HERPUD1: variants seen among roughly 807,000 people sequenced by gnomAD.
HERPUD1 encodes homocysteine inducible ER protein with ubiquitin like domain 1.
HERPUD1 carries 17 observed loss-of-function variants against 45.0 expected under a neutral mutation model. That is an observed-to-expected ratio of 0.38 (90% CI 0.26 to 0.57). The LOEUF (loss-of-function observed/expected upper bound fraction) is 0.57, where lower values mean the gene tolerates loss of function less well. Among genes scored for constraint, HERPUD1 ranks in the 20% least tolerant of loss-of-function variants. The pLI is 0.72. For synonymous variants in HERPUD1, 164 were observed against 177.5 expected, an observed-to-expected ratio of 0.92 and a Z score of 0.61; for missense variants, 420 against 490.5, an observed-to-expected ratio of 0.86 and a Z score of 1.36.
At chr16:56,933,250 G>A (rs1006487451) in intron 1 of HERPUD1, 4 of 454,448 alleles carry the variant, frequency 8.8e-6, no homozygotes, top group South Asian at 1.6e-5. Flanking sequence ...TAGTGAAGTC[G>A]TGAGTTCCAG....
At chr16:56,935,622 T>A (rs1596978008) in intron 3 of HERPUD1, 147 bp downstream of exon 3, 2 of 676,214 alleles carry the variant, frequency 3.0e-6, no homozygotes, top group East Asian at 5.4e-5. Context: ...AATTAGAAAC[T>A]GTATTATCAA....
rs1336609950 is a variant in HERPUD1, at chr16:56,944,823, G to GT, written c.*1534dup. ...TATTTTTACGTGAGTAATGTTATGT[G>GT]TAGGTGTTCTATTTGGCAAAATAAA... On this transcript the variant is annotated 3_prime_UTR_variant, in exon 8 of 8. Coordinates refer to ENST00000439977, the MANE Select transcript of HERPUD1 (RefSeq NM_014685.4). 4 of 152,284 alleles carry GT rather than the reference G, an allele frequency of 2.6e-5. No homozygotes were observed. The South Asian group carries it at 6.2e-4, about 24-fold the overall frequency. 9.4% of individuals were successfully genotyped at this position (152,284 alleles called of 1,614,324 possible). A position where few individuals can be genotyped will look rare whatever the true frequency, so the allele number is the denominator to read the frequency against.
chr16:56,934,613 G>C (rs1369144691), intron 1 of HERPUD1, among the ~76,000 whole-genome samples: 1 of 151,042 alleles, frequency 6.6e-6, no homozygotes, highest in African/African-American at 2.4e-5. Context: ...TTTGGTTGTA[G>C]GTTCCCTGTT....
At chr16:56,938,433 T>G (rs247610) in intron 4 of HERPUD1, among the ~76,000 whole-genome samples, 93,627 of 151,886 alleles carry the variant, frequency 0.62, 30,318 homozygotes, top group African/African-American at 0.82. Context: ...TGTGGTGGCG[T>G]GTGCCCGTAG....
In HERPUD1 at chr16:56,942,217, G is replaced by C. The variant is rs2055915897; in HGVS notation, c.991G>C (p.Asp331His). ...DGPPPDVVNQ[D>H]PNNNLQEGTD... The stretch of plus-strand genomic sequence containing the variant: ...TCCTCCTCCTGACGTTGTAAATCAG[G>C]ACCCCAACAATAACTTACAGGTATG... The change falls in exon 7 of 8, where the codon GAC becomes CAC. Residue 331 changes from aspartate (D) to histidine (H), a missense_variant. By Grantham distance (81) the Asp-to-His change is moderately conservative. Transcript: ENST00000439977. The C allele has an allele frequency of 6.2e-7, 1 of 1,613,874 alleles. No individual in the cohort carries two copies. Among genetic ancestry groups the C allele is most frequent in the African/African-American group, 1.3e-5 (1 of 75,004 alleles).
intron 4 of HERPUD1, among the ~76,000 whole-genome samples, chr16:56,938,298 T>C (rs1245271310): frequency 1.3e-5 from 2 of 152,196 alleles, no homozygotes; most frequent in Non-Finnish European, 2.9e-5. Context: ...GCGCGGTGGC[T>C]CACACCTGTA....
At chr16:56,932,877 T>C (rs1167993342) in intron 1 of HERPUD1, among the ~76,000 whole-genome samples, 1 of 152,084 alleles carries the variant, frequency 6.6e-6, no homozygotes, top group Non-Finnish European at 1.5e-5. Flanking sequence ...CCTGGCCACC[T>C]TCCGCCGTGC....
At chr16:56,939,793 C>T (rs950675505) in intron 5 of HERPUD1, 102 bp from the exon 6 acceptor site, 2 of 841,952 alleles carry the variant, frequency 2.4e-6, no homozygotes, top group Admixed American at 2.5e-5. Context: ...GCATATCTAC[C>T]TACTTGAAAT....
intron 1 of HERPUD1, among the ~76,000 whole-genome samples, chr16:56,933,526 G>A (rs2055842799): frequency 6.6e-6 from 1 of 152,196 alleles, no homozygotes; most frequent in African/African-American, 2.4e-5. Flanking sequence ...TATGGCAAAA[G>A]GCAGGATTTT....
chr16:56,936,690 G>T lies in HERPUD1; in HGVS notation c.304G>T (p.Ala102Ser). 2 of 1,611,640 alleles carry T rather than the reference G, an allele frequency of 1.2e-6. No individual in the cohort carries two copies. The highest frequency in any genetic ancestry group is 1.7e-6 in the Non-Finnish European group (2 of 1,178,590). The change falls in exon 4 of 8, where the codon GCT becomes TCT. Residue 102 changes from alanine to serine, a missense_variant. By Grantham distance (99) the Ala-to-Ser change is moderately conservative (BLOSUM62 1). Coordinates refer to ENST00000439977, the MANE Select transcript of HERPUD1 (RefSeq NM_014685.4). Reference protein sequence around the residue: ...SKMPEINAKVAESTEEPAGSN... With the variant: ...SKMPEINAKVSESTEEPAGSN... Reference sequence around the variant, plus strand: ...TGTTCATGTTACACTTATTTAGGTGGCTGAATCCACAGAGGAGCCTGCTGG... The same window carrying T: ...TGTTCATGTTACACTTATTTAGGTGTCTGAATCCACAGAGGAGCCTGCTGG...
In HERPUD1 at chr16:56,936,547, CGTT is replaced by C. The variant is rs374644831; in HGVS notation, c.301-138_301-136del. ...AAATGTCAGACTATTTTTTACATAA[CGTT>C]GCTTCTGTTTAATTTTGTCACGTTC... On this transcript the variant is annotated intron_variant, in intron 3 of 7. Transcript: ENST00000439977. 5.1e-5 allele frequency: 28 copies of C among 546,144 alleles called. No individual in the cohort carries two copies. In the African/African-American group the frequency reaches 5.3e-4, roughly 10 times the overall value. 33.8% of individuals were successfully genotyped at this position (546,144 alleles called of 1,614,324 possible).
intron 7 of HERPUD1, 71 bp from the exon 8 acceptor site, chr16:56,943,055 T>C: frequency 6.8e-7 from 1 of 1,477,260 alleles, no homozygotes; most frequent in South Asian, 1.2e-5. Flanking sequence ...TTTCCTAACA[T>C]TATTTGGTGT....
In HERPUD1 at chr16:56,942,035, A is replaced by G. The variant is rs2055913766; in HGVS notation, c.906-97A>G. On this transcript the variant is annotated intron_variant, in intron 6 of 7. Coordinates refer to ENST00000439977, the MANE Select transcript of HERPUD1 (RefSeq NM_014685.4). ...AGATGGGTCTTGCAGTGAGCTTATC[A>G]GGGTGCTGCTGTGATTAGAGGTGGG... The G allele has an allele frequency of 1.3e-5, 12 of 893,966 alleles. No individual in the cohort carries two copies. The South Asian group carries it at 1.6e-4, about 12-fold the overall frequency. The allele number at this position is 893,966 out of a possible 1,614,324, so 55.4% of individuals were successfully genotyped here.
intron 3 of HERPUD1, 27 bp downstream of exon 3, chr16:56,935,502 C>T (rs1358652051): frequency 6.3e-7 from 1 of 1,576,556 alleles, no homozygotes; most frequent in Non-Finnish European, 8.7e-7. Context: ...ATGATGGTAA[C>T]AATTTGTATC....
chr16:56,941,969 G>T, intron 6 of HERPUD1, 163 bp from the exon 7 acceptor site: 1 of 606,476 alleles, frequency 1.6e-6, no homozygotes. Flanking sequence ...CTTACAGACT[G>T]GTGAGAATGT....
At chr16:56,942,321 C>A in intron 7 of HERPUD1, 84 bp downstream of exon 7, 1 of 837,286 alleles carries the variant, frequency 1.2e-6, no homozygotes, top group Non-Finnish European at 2.0e-6. Context: ...TGCCAGCTTG[C>A]GGTTTACCAT....
chr16:56,935,643 T>G, intron 3 of HERPUD1, 168 bp downstream of exon 3: 1 of 632,756 alleles, frequency 1.6e-6, no homozygotes, highest in Non-Finnish European at 2.8e-6. Context: ...CACAAAGTGA[T>G]GAGTTAATAG....
intron 7 of HERPUD1, 143 bp from the exon 8 acceptor site, chr16:56,942,983 C>G: frequency 1.3e-6 from 1 of 770,248 alleles, no homozygotes; most frequent in Non-Finnish European, 2.2e-6. Context: ...GGCATCATTC[C>G]CTGGGGTCCT....
In HERPUD1 at chr16:56,935,478, G is replaced by A; in HGVS notation, c.300+3G>A. On this transcript the variant is annotated splice_donor_region_variant and intron_variant, in intron 3 of 7. Coordinates refer to ENST00000439977, the MANE Select transcript of HERPUD1 (RefSeq NM_014685.4). ...AAATGCCAGAAATCAACGCCAAGGTGTGTCTGCCTCTTCATGATGGTAACA... is the reference window on the plus strand; with the variant it reads ...AAATGCCAGAAATCAACGCCAAGGTATGTCTGCCTCTTCATGATGGTAACA... 6.2e-7 allele frequency: 1 copy of A among 1,611,702 alleles called. No homozygotes were observed. The highest frequency in any genetic ancestry group is 8.5e-7 in the Non-Finnish European group (1 of 1,177,804).
Sources: allele counts gnomAD v4.1 joint callset (sites outside exome capture counted in the v4.1 genomes callset), GRCh38; gene constraint gnomAD v4.1.1; transcripts MANE v1.5; gene names NCBI Gene and HGNC (gene_info 2026-07-23, HGNC 2026-07-21).